The following DPYD variants were observed in gnomAD, a reference collection of about 807,000 sequenced individuals.
DPYD encodes dihydropyrimidine dehydrogenase, also known as dihydropyrimidine dehydrogenase [NADP(+)].
A neutral mutation model predicts 116.2 loss-of-function variants in DPYD; 109 were observed. That is an observed-to-expected ratio of 0.94 (90% CI 0.80 to 1.10). DPYD has a LOEUF of 1.10. DPYD is among the 50% of genes least tolerant of loss of function. The pLI is 0.00. For missense variants in DPYD, 1,302 were observed against 1,254.5 expected (o/e 1.04, Z -0.57); for synonymous variants, 440 against 432.0 (o/e 1.02, Z -0.23).
intron 21 of DPYD, among the ~76,000 whole-genome samples, chr1:97,086,352 GTT>G (rs35514561): frequency 1.8e-3 from 262 of 143,814 alleles, no homozygotes; most frequent in East Asian, 2.2e-3. Flanking sequence ...GCCTGGCCAA[GTT>G]TTTTTTTTTT....
intron 19 of DPYD, among the ~76,000 whole-genome samples, chr1:97,233,879 T>A (rs1412569787): frequency 6.6e-6 from 1 of 152,220 alleles, no homozygotes; most frequent in Non-Finnish European, 1.5e-5. Flanking sequence ...ATCTATTCCA[T>A]CTTCTTGGAA....
intron 2 of DPYD, among the ~76,000 whole-genome samples, chr1:97,833,330 A>C (rs1175973695): frequency 1.3e-5 from 2 of 152,182 alleles, no homozygotes; most frequent in African/African-American, 4.8e-5. Context: ...AATACTATGC[A>C]CAGGGATATG....
At chr1:97,651,741 G>T (rs568541942) in intron 8 of DPYD, among the ~76,000 whole-genome samples, 175 of 152,110 alleles carry the variant, frequency 1.2e-3, no homozygotes, top group South Asian at 1.9e-3. Context: ...AATCAAACCA[G>T]ATTTTAAAAA....
chr1:97,684,315 T>C (rs1423078493), intron 7 of DPYD, among the ~76,000 whole-genome samples: 2 of 152,178 alleles, frequency 1.3e-5, no homozygotes, highest in African/African-American at 2.4e-5. Flanking sequence ...CAGGAGCAAG[T>C]TGTTCAATTT....
intron 18 of DPYD, among the ~76,000 whole-genome samples, chr1:97,276,337 C>A (rs1664925421): frequency 6.6e-6 from 1 of 152,012 alleles, no homozygotes; most frequent in Non-Finnish European, 1.5e-5. Flanking sequence ...TTCAGCACAG[C>A]AAAAGAAATT....
At chr1:97,837,836 A>ATAG in intron 2 of DPYD, among the ~76,000 whole-genome samples, 1 of 152,310 alleles carries the variant, frequency 6.6e-6, no homozygotes, top group East Asian at 1.9e-4. Flanking sequence ...AACATAGCAG[A>ATAG]TAGTAGGCAA....
At chr1:97,693,290 CAAAA>C (rs201872835) in intron 6 of DPYD, among the ~76,000 whole-genome samples, 2 of 41,840 alleles carry the variant, frequency 4.8e-5, no homozygotes, top group African/African-American at 2.8e-4. Context: ...GACTCCGTCT[CAAAA>C]AAAAAAAAAA....
chr1:97,854,261 A>G (rs1359906564), intron 2 of DPYD, among the ~76,000 whole-genome samples: 1 of 152,234 alleles, frequency 6.6e-6, no homozygotes, highest in Non-Finnish European at 1.5e-5. Flanking sequence ...ATTCATGAAA[A>G]TATCTGTATT....
intron 21 of DPYD, among the ~76,000 whole-genome samples, chr1:97,092,342 C>T (rs1343874471): frequency 2.0e-5 from 3 of 152,142 alleles, no homozygotes; most frequent in Non-Finnish European, 2.9e-5. Flanking sequence ...CAACTGTTGC[C>T]AACTAGAGGT....
At chr1:97,565,264 C>T (rs1023659724) in intron 11 of DPYD, among the ~76,000 whole-genome samples, 7 of 151,998 alleles carry the variant, frequency 4.6e-5, no homozygotes, top group African/African-American at 1.7e-4. Flanking sequence ...TTCTAACCCC[C>T]AACTATTTGA....
At chr1:97,436,539 C>T (rs553403190) in intron 14 of DPYD, among the ~76,000 whole-genome samples, 3 of 151,938 alleles carry the variant, frequency 2.0e-5, no homozygotes, top group African/African-American at 7.2e-5. Context: ...ATATTCTCAC[C>T]CCAAAGGCAG....
At chr1:97,099,061 T>C (rs1342452224) in intron 20 of DPYD, among the ~76,000 whole-genome samples, 2 of 152,108 alleles carry the variant, frequency 1.3e-5, no homozygotes, top group Non-Finnish European at 2.9e-5. Flanking sequence ...TTGTAGTCCC[T>C]GACAAATGCT....
intron 13 of DPYD, among the ~76,000 whole-genome samples, chr1:97,474,512 G>A (rs918915108): frequency 1.6e-4 from 24 of 151,828 alleles, no homozygotes; most frequent in African/African-American, 5.6e-4. Context: ...ACTTAATACA[G>A]ACTTACAGAT....
At chr1:97,266,635 T>C (rs1664249306) in intron 18 of DPYD, among the ~76,000 whole-genome samples, 1 of 152,130 alleles carries the variant, frequency 6.6e-6, no homozygotes, top group African/African-American at 2.4e-5. Context: ...ACCCATTAAC[T>C]CGTCATTTAC....
intron 8 of DPYD, among the ~76,000 whole-genome samples, chr1:97,630,302 A>G (rs1341986124): frequency 6.6e-6 from 1 of 152,000 alleles, no homozygotes; most frequent in Non-Finnish European, 1.5e-5. Context: ...CCATTTTCCT[A>G]ACCAGTTACT....
In DPYD at chr1:97,921,015, G is replaced by T. The variant is rs1674494104; in HGVS notation, c.-93C>A. On this transcript the variant is annotated 5_prime_UTR_variant, in exon 1 of 23. Transcript: ENST00000370192. ...AGCCAAGTGACAGCAGCCGGAGCGC[G>T]AGTCGAAAACAGGCAGACTAGGGCC... 2.0e-6 allele frequency: 3 copies of T among 1,508,366 alleles called. No homozygotes were observed. The highest frequency in any genetic ancestry group is 1.2e-5 in the South Asian group (1 of 83,186). 93.4% of individuals were successfully genotyped at this position (1,508,366 alleles called of 1,614,324 possible).
intron 21 of DPYD, among the ~76,000 whole-genome samples, chr1:97,093,832 A>G (rs1378377297): frequency 6.6e-6 from 1 of 152,092 alleles, no homozygotes; most frequent in Non-Finnish European, 1.5e-5. Context: ...TGGGAAGTCC[A>G]AATTCAGCTT....
chr1:97,872,152 A>C (rs1671688460), intron 2 of DPYD, among the ~76,000 whole-genome samples: 1 of 151,872 alleles, frequency 6.6e-6, no homozygotes, highest in South Asian at 2.1e-4. Context: ...TTTGGGTTCC[A>C]CTGCCTGCCC....
chr1:97,681,131 T>A (rs1571180448), intron 7 of DPYD, among the ~76,000 whole-genome samples: 1 of 152,122 alleles, frequency 6.6e-6, no homozygotes, highest in Admixed American at 6.6e-5. Flanking sequence ...TGAAGTGTTA[T>A]CAGTATTTTC....
Sources: gnomAD v4.1 joint callset for allele counts (sites outside exome capture counted in the v4.1 genomes callset) on GRCh38, gnomAD v4.1.1 for gene constraint, MANE v1.5 for transcripts, NCBI Gene and HGNC (gene_info 2026-07-23, HGNC 2026-07-21) for gene names.